Variants in FMN2 observed in about 807,000 individuals in gnomAD.
FMN2 encodes formin-2.
A neutral mutation model predicts 142.3 loss-of-function variants in FMN2; 51 were observed. That is an observed-to-expected ratio of 0.36 (90% CI 0.29 to 0.45). The LOEUF is 0.45. Ranked by LOEUF, FMN2 falls within the 20% of genes least tolerant of loss-of-function variation. The probability of loss-of-function intolerance (pLI) is 1.00; values close to 1 mark genes in which losing one functional copy is unlikely to be tolerated. For missense variants in FMN2, 1,936 were observed against 2,122.8 expected (o/e 0.91, Z 1.73); for synonymous variants, 882 against 869.8 (o/e 1.01, Z -0.25).
intron 14 of FMN2, among the ~76,000 whole-genome samples, chr1:240,390,772 G>A (rs867055110): frequency 3.3e-5 from 5 of 152,258 alleles, no homozygotes; most frequent in East Asian, 1.9e-4. Flanking sequence ...ATCAGGAATC[G>A]AATACAGATC....
chr1:240,438,380 A>AT (rs1184375191), intron 16 of FMN2, among the ~76,000 whole-genome samples, 170 bp downstream of exon 16: 1 of 152,154 alleles, frequency 6.6e-6, no homozygotes, highest in Non-Finnish European at 1.5e-5. Flanking sequence ...TTTTAATAAG[A>AT]AGAGTCAGCA....
At chr1:240,178,451 T>C (rs866853557) in intron 3 of FMN2, among the ~76,000 whole-genome samples, 1 of 151,366 alleles carries the variant, frequency 6.6e-6, no homozygotes, top group African/African-American at 2.4e-5. Flanking sequence ...CTTCTTCTTT[T>C]TTTTTTTTTT....
At chr1:240,260,575 C>A (rs1379209456) in intron 7 of FMN2, among the ~76,000 whole-genome samples, 3 of 151,956 alleles carry the variant, frequency 2.0e-5, no homozygotes. Flanking sequence ...CTATTTATAT[C>A]CTTAGCCCAC....
At chr1:240,440,800 C>T (rs1047355656) in intron 16 of FMN2, among the ~76,000 whole-genome samples, 4 of 152,054 alleles carry the variant, frequency 2.6e-5, no homozygotes, top group African/African-American at 7.2e-5. Flanking sequence ...AAGAACAACT[C>T]TGTTCCTTTC....
intron 6 of FMN2, chr1:240,245,585 A>G (rs944627596): frequency 2.1e-6 from 1 of 470,986 alleles, no homozygotes; most frequent in Non-Finnish European, 4.4e-6. Flanking sequence ...TGGTTTTTTT[A>G]TGGTTTTCCG....
At chr1:240,377,413 C>A (rs1673083518) in intron 14 of FMN2, among the ~76,000 whole-genome samples, 1 of 151,838 alleles carries the variant, frequency 6.6e-6, no homozygotes, top group Non-Finnish European at 1.5e-5. Context: ...AGTGCTGTAA[C>A]AAATTACCAC....
chr1:240,161,514 C>T (rs1380830685), intron 2 of FMN2, among the ~76,000 whole-genome samples: 1 of 147,522 alleles, frequency 6.8e-6, no homozygotes, highest in East Asian at 2.0e-4. Context: ...GCCTGGGCGA[C>T]AGAGGGAGAC....
chr1:240,129,339 G>A (rs1025927015), intron 2 of FMN2, among the ~76,000 whole-genome samples: 1 of 152,002 alleles, frequency 6.6e-6, no homozygotes, highest in Admixed American at 6.6e-5. Context: ...TTTTTGAAAC[G>A]TTGTGTACAG....
chr1:240,353,720 GGGTTTTATGAGGATTGAATGGGACAGTA>G, intron 13 of FMN2, among the ~76,000 whole-genome samples: 1 of 152,150 alleles, frequency 6.6e-6, no homozygotes, highest in Non-Finnish European at 1.5e-5. Flanking sequence ...CTACTTCAAA[GGGTTTTATGAGGATTGAATGGGACAGTA>G]CAGGTAACAT....
At chr1:240,467,443 T>C (rs1019392942) in intron 16 of FMN2, among the ~76,000 whole-genome samples, 5 of 152,042 alleles carry the variant, frequency 3.3e-5, no homozygotes, top group African/African-American at 1.2e-4. Context: ...AATTTTTGTA[T>C]TTTTAGTAGA....
intron 2 of FMN2, among the ~76,000 whole-genome samples, chr1:240,173,063 G>A (rs1163409004): frequency 1.3e-5 from 2 of 152,028 alleles, no homozygotes; most frequent in African/African-American, 4.8e-5. Context: ...AGCTTTCCGA[G>A]TAGCTGGGAC....
chr1:240,309,940 A>G (rs560012850), intron 8 of FMN2, among the ~76,000 whole-genome samples: 30 of 152,286 alleles, frequency 2.0e-4, no homozygotes, highest in Middle Eastern at 3.4e-3. Context: ...AAGTGTCTCT[A>G]GAAACAAAAA....
chr1:240,334,804 T>G (rs10926221), intron 13 of FMN2, among the ~76,000 whole-genome samples: 65,799 of 151,982 alleles, frequency 0.43, 14,861 homozygotes, highest in Admixed American at 0.55. Flanking sequence ...ATTTTTTTAT[T>G]TTGTAAGTAA....
intron 15 of FMN2, among the ~76,000 whole-genome samples, chr1:240,406,658 C>T (rs1286747223): frequency 1.3e-5 from 2 of 152,062 alleles, no homozygotes; most frequent in Non-Finnish European, 2.9e-5. Context: ...TTGTAGTGAC[C>T]TGCCACTCAT....
intron 3 of FMN2, among the ~76,000 whole-genome samples, chr1:240,186,636 C>T (rs572793609): frequency 6.6e-6 from 1 of 152,248 alleles, no homozygotes; most frequent in South Asian, 2.1e-4. Flanking sequence ...GAGTGCAGTG[C>T]TCTGGGCAGA....
intron 7 of FMN2, among the ~76,000 whole-genome samples, chr1:240,290,789 T>TG (rs1558415225): frequency 3.5e-5 from 4 of 114,296 alleles, no homozygotes; most frequent in African/African-American, 1.5e-4. Flanking sequence ...GGTTTTTTTT[T>TG]TTTGTTTTTT....
intron 8 of FMN2, among the ~76,000 whole-genome samples, chr1:240,316,609 G>A (rs576837794): frequency 6.6e-6 from 1 of 152,272 alleles, no homozygotes; most frequent in South Asian, 2.1e-4. Flanking sequence ...GGAGACAGGA[G>A]ACCATACACA....
intron 2 of FMN2, among the ~76,000 whole-genome samples, chr1:240,124,840 G>T (rs1342265715): frequency 6.6e-6 from 1 of 152,034 alleles, no homozygotes; most frequent in Non-Finnish European, 1.5e-5. Context: ...GCTAATTTTT[G>T]TATTTTTAGT....
chr1:240,313,839 C>G (rs148771431), intron 8 of FMN2, among the ~76,000 whole-genome samples: 1 of 151,710 alleles, frequency 6.6e-6, no homozygotes, highest in African/African-American at 2.4e-5. Context: ...CTGGGCGTGG[C>G]GATGTGTGCC....
Sources: allele counts gnomAD v4.1 joint callset (sites outside exome capture counted in the v4.1 genomes callset), GRCh38; gene constraint gnomAD v4.1.1; transcripts MANE v1.5; gene names NCBI Gene and HGNC (gene_info 2026-07-23, HGNC 2026-07-21).